Variants in CPQ observed in about 807,000 individuals in gnomAD.
CPQ encodes the protein Ser-Met dipeptidase.
A neutral mutation model predicts 45.7 loss-of-function variants in CPQ; 37 were observed. The ratio of observed to expected loss-of-function variants is 0.81; its 90% CI spans 0.62 to 1.07. The LOEUF is 1.07. Ranked by LOEUF, CPQ falls within the 50% of genes least tolerant of loss-of-function variation. The pLI, the probability that CPQ is intolerant of heterozygous loss-of-function variation, is 0.00. For missense variants in CPQ, 537 were observed against 572.9 expected (o/e 0.94, Z 0.64); for synonymous variants, 186 against 205.8 (o/e 0.90, Z 0.82).
intron 3 of CPQ, among the ~76,000 whole-genome samples, chr8:96,858,735 G>A (rs955140134): frequency 5.9e-5 from 9 of 152,188 alleles, no homozygotes; most frequent in South Asian, 4.1e-4. Flanking sequence ...TTGATAATTC[G>A]TTGCTTTAAA....
At chr8:96,778,699 A>G (rs552115795) in intron 1 of CPQ, among the ~76,000 whole-genome samples, 1 of 152,290 alleles carries the variant, frequency 6.6e-6, no homozygotes, top group East Asian at 1.9e-4. Context: ...TTCTGTTTCA[A>G]AGTGATTATA....
intron 5 of CPQ, among the ~76,000 whole-genome samples, chr8:96,986,071 T>C (rs1295258710): frequency 6.6e-6 from 1 of 152,208 alleles, no homozygotes; most frequent in South Asian, 2.1e-4. Flanking sequence ...CCATCTTTTA[T>C]TCAGCATTTA....
chr8:96,954,197 G>A (rs1422567630), intron 4 of CPQ, among the ~76,000 whole-genome samples: 1 of 151,418 alleles, frequency 6.6e-6, no homozygotes, highest in East Asian at 1.9e-4. Flanking sequence ...TAAAATACAT[G>A]TTTTTGTTTG....
At chr8:96,997,491 G>A (rs944288971) in intron 5 of CPQ, among the ~76,000 whole-genome samples, 1 of 151,710 alleles carries the variant, frequency 6.6e-6, no homozygotes, top group Non-Finnish European at 1.5e-5. Flanking sequence ...TTTCATAAAT[G>A]TATTTAAAGC....
chr8:96,951,866 A>G (rs1018949384), intron 4 of CPQ, among the ~76,000 whole-genome samples: 1 of 151,450 alleles, frequency 6.6e-6, no homozygotes, highest in Non-Finnish European at 1.5e-5. Context: ...TTTTTTTTGA[A>G]TGTTTGAGGT....
At chr8:96,868,953 C>A (rs910845033) in intron 3 of CPQ, among the ~76,000 whole-genome samples, 4 of 151,784 alleles carry the variant, frequency 2.6e-5, no homozygotes, top group African/African-American at 9.7e-5. Context: ...ATTTTTAGAG[C>A]ATTTTAAAAC....
chr8:96,825,495 GC>G (rs1471732317), intron 2 of CPQ, among the ~76,000 whole-genome samples: 1 of 151,980 alleles, frequency 6.6e-6, no homozygotes, highest in African/African-American at 2.4e-5. Flanking sequence ...TGTGGCTAAT[GC>G]CCTTACTCTC....
At chr8:96,937,545 C>G (rs1813068213) in intron 4 of CPQ, among the ~76,000 whole-genome samples, 1 of 152,110 alleles carries the variant, frequency 6.6e-6, no homozygotes, top group African/African-American at 2.4e-5. Flanking sequence ...TCTGCCAGAC[C>G]TTAGACCTTA....
At chr8:96,824,235 A>T (rs922828784) in intron 2 of CPQ, among the ~76,000 whole-genome samples, 9 of 152,058 alleles carry the variant, frequency 5.9e-5, no homozygotes, top group Non-Finnish European at 1.0e-4. Flanking sequence ...TTTTAGATGT[A>T]CTACCAACCA....
chr8:96,839,609 A>G lies in CPQ; in HGVS notation c.641+4429A>G, dbSNP rs1982001. On this transcript the variant is annotated intron_variant, in intron 3 of 7. Coordinates refer to ENST00000220763, the MANE Select transcript of CPQ (RefSeq NM_016134.4). ...TCTCTAATTTATCATATTGTTTAGTACATATTTCTTGAGAGCTTCCTAGTT... is the reference window on the plus strand; with the variant it reads ...TCTCTAATTTATCATATTGTTTAGTGCATATTTCTTGAGAGCTTCCTAGTT... Among the ~76,000 whole-genome samples, 552 of 152,342 alleles carry G rather than the reference A, an allele frequency of 3.6e-3. 3 individuals carry two copies. Among genetic ancestry groups the G allele is most frequent in the African/African-American group, 0.013 (525 of 41,584 alleles).
intron 4 of CPQ, among the ~76,000 whole-genome samples, chr8:96,913,252 C>T (rs1289556940): frequency 6.6e-6 from 1 of 152,188 alleles, no homozygotes; most frequent in Non-Finnish European, 1.5e-5. Context: ...GCTGGTGGGG[C>T]TGGCAGCATT....
chr8:96,797,820 G>A (rs1275471024), intron 2 of CPQ, among the ~76,000 whole-genome samples: 2 of 152,102 alleles, frequency 1.3e-5, no homozygotes, highest in Non-Finnish European at 2.9e-5. Context: ...GGGAGGCCGA[G>A]GCAGGTGGAT....
intron 1 of CPQ, among the ~76,000 whole-genome samples, chr8:96,715,833 A>C (rs1424223796): frequency 6.6e-6 from 1 of 152,140 alleles, no homozygotes; most frequent in Non-Finnish European, 1.5e-5. Flanking sequence ...ACTGTGAATG[A>C]TGCTGCTCCT....
At chr8:96,763,173 T>A (rs1030067295) in intron 1 of CPQ, among the ~76,000 whole-genome samples, 4 of 152,188 alleles carry the variant, frequency 2.6e-5, no homozygotes, top group African/African-American at 9.6e-5. Flanking sequence ...CATTTTAACT[T>A]AATTACTTCT....
At chr8:97,092,815 G>A (rs1586537561) in intron 7 of CPQ, 1 of 152,088 alleles carries the variant, frequency 6.6e-6, no homozygotes, top group East Asian at 1.9e-4. Flanking sequence ...AACAAAAATC[G>A]ACAAGTGGGA....
intron 1 of CPQ, among the ~76,000 whole-genome samples, chr8:96,657,689 C>T (rs559395440): frequency 3.8e-4 from 58 of 152,264 alleles, no homozygotes; most frequent in Non-Finnish European, 1.6e-4. Context: ...AAAACAACAA[C>T]GACAACAAAA....
intron 7 of CPQ, among the ~76,000 whole-genome samples, chr8:97,069,186 G>A (rs2513349): frequency 0.71 from 107,263 of 152,090 alleles, 37,956 homozygotes; most frequent in Non-Finnish European, 0.72. Context: ...CTTGAATGCT[G>A]TTTTATTTCC....
At chr8:97,127,587 G>A (rs1320975985) in intron 7 of CPQ, among the ~76,000 whole-genome samples, 2 of 152,130 alleles carry the variant, frequency 1.3e-5, no homozygotes, top group Admixed American at 1.3e-4. Context: ...TACTCAGGAG[G>A]CTGAGGCACG....
At chr8:96,845,721 A>T (rs1811677705) in intron 3 of CPQ, among the ~76,000 whole-genome samples, 1 of 152,170 alleles carries the variant, frequency 6.6e-6, no homozygotes, top group Non-Finnish European at 1.5e-5. Flanking sequence ...AAGAATAGTA[A>T]ATGACTCATT....
Sources: allele counts gnomAD v4.1 joint callset (sites outside exome capture counted in the v4.1 genomes callset), GRCh38; gene constraint gnomAD v4.1.1; transcripts MANE v1.5; gene names NCBI Gene and HGNC (gene_info 2026-07-23, HGNC 2026-07-21).